The following ATG7 variants were observed in gnomAD, a reference collection of about 807,000 sequenced individuals.
ATG7 encodes ubiquitin-like modifier-activating enzyme ATG7.
In ATG7, 70 loss-of-function variants were observed where a neutral mutation model predicts 82.4. The ratio of observed to expected loss-of-function variants is 0.85; its 90% CI spans 0.70 to 1.04. ATG7 has a LOEUF of 1.04. ATG7 is among the 50% of genes least tolerant of loss of function. ATG7 has a pLI of 0.00. For missense variants in ATG7, 792 were observed against 864.3 expected (o/e 0.92, Z 1.05); for synonymous variants, 287 against 313.0 (o/e 0.92, Z 0.88).
chr3:11,306,945 G>A lies in ATG7; in HGVS notation c.218G>A (p.Ser73Asn), dbSNP rs557310519. The change falls in exon 6 of 21, where the codon AGT (serine) becomes AAT (asparagine). Residue 73 changes from serine to asparagine, a missense_variant and splice_region_variant. Coordinates refer to ENST00000693202, the MANE Select transcript of ATG7 (RefSeq NM_001349232.2). ...AACCGTGTTTCTCTTGTATCTAGGA[G>A]TGCTCCCACCCCAGCCCGTTGCTGC... ...LTLEFSAFDM[S>N]APTPARCCPA... is the part of the protein sequence containing the mutation. The A allele has an allele frequency of 6.2e-7, 1 of 1,613,584 alleles. No homozygotes were observed. Among genetic ancestry groups the A allele is most frequent in the East Asian group, 2.2e-5 (1 of 44,864 alleles).
intron 20 of ATG7, among the ~76,000 whole-genome samples, chr3:11,499,724 A>G (rs2153059739): frequency 6.6e-6 from 1 of 151,034 alleles, no homozygotes; most frequent in African/African-American, 2.4e-5. Flanking sequence ...TCCAGACTGG[A>G]CAACAAGAGC....
At chr3:11,335,129 G>A (rs181110810) in intron 11 of ATG7, among the ~76,000 whole-genome samples, 4 of 152,098 alleles carry the variant, frequency 2.6e-5, no homozygotes, top group South Asian at 2.1e-4. Flanking sequence ...ATCAAAGGAC[G>A]ATGCTGCTTT....
chr3:11,403,218 G>A (rs112501139), intron 19 of ATG7, among the ~76,000 whole-genome samples: 2,283 of 152,236 alleles, frequency 0.015, 28 homozygotes, highest in Non-Finnish European at 0.025. Context: ...GTAAACTGAC[G>A]TGCACCTATC....
chr3:11,451,924 C>T (rs2085220036), intron 20 of ATG7, among the ~76,000 whole-genome samples: 1 of 151,044 alleles, frequency 6.6e-6, no homozygotes, highest in South Asian at 2.1e-4. Flanking sequence ...CACACATATA[C>T]ATATCTCTTA....
At chr3:11,330,500 A>G (rs1001153063) in intron 9 of ATG7, among the ~76,000 whole-genome samples, 3 of 152,138 alleles carry the variant, frequency 2.0e-5, no homozygotes, top group Non-Finnish European at 4.4e-5. Flanking sequence ...GCATGCCCCA[A>G]TTCATTTGTT....
At chr3:11,345,258 A>C (rs1284528461) in intron 13 of ATG7, among the ~76,000 whole-genome samples, 2 of 151,978 alleles carry the variant, frequency 1.3e-5, no homozygotes, top group Non-Finnish European at 2.9e-5. Context: ...TACAAAAAAA[A>C]ATTAGCCGGG....
At position 11,462,347 on chromosome 3, in the gene ATG7, G is replaced by A. The variant is rs144717550; in HGVS notation, c.2079+35421G>A. Among the ~76,000 whole-genome samples the A allele has an allele frequency of 3.9e-5, 6 of 152,186 alleles. 1 individual carries two copies. Among genetic ancestry groups the A allele is most frequent in the African/African-American group, 7.2e-5 (3 of 41,516 alleles). ...GAGGCTCAGGAAGACAAAGTTTATC[G>A]TGGTCACAAGTCCTAGAGGCAGGAG... is the stretch of plus-strand genomic sequence containing the variant. On this transcript the variant is annotated intron_variant, in intron 20 of 20. Transcript: ENST00000693202.
chr3:11,371,273 G>A (rs1391207099), intron 18 of ATG7, among the ~76,000 whole-genome samples: 1 of 151,134 alleles, frequency 6.6e-6, no homozygotes, highest in Non-Finnish European at 1.5e-5. Flanking sequence ...TTAGCAGGGG[G>A]ACGTAGAACA....
At chr3:11,345,679 GT>G (rs1285490296) in intron 13 of ATG7, among the ~76,000 whole-genome samples, 1 of 151,742 alleles carries the variant, frequency 6.6e-6, no homozygotes, top group Non-Finnish European at 1.5e-5. Flanking sequence ...TTGTCTATCA[GT>G]TTTTTTGGAG....
chr3:11,391,216 G>A (rs1469099866), intron 19 of ATG7, among the ~76,000 whole-genome samples: 1 of 152,154 alleles, frequency 6.6e-6, no homozygotes, highest in Non-Finnish European at 1.5e-5. Flanking sequence ...CAAGATGTGA[G>A]CAAATACTAA....
At chr3:11,402,987 T>G (rs141285073) in intron 19 of ATG7, among the ~76,000 whole-genome samples, 1 of 152,330 alleles carries the variant, frequency 6.6e-6, no homozygotes, top group African/African-American at 2.4e-5. Flanking sequence ...CAGGAATCTA[T>G]TCTCTTAAAT....
chr3:11,360,883 A>G lies in ATG7; in HGVS notation c.1683+99A>G, dbSNP rs1456566209. 3.9e-6 allele frequency: 5 copies of G among 1,282,060 alleles called. No individual in the cohort carries two copies. In the Admixed American group the frequency reaches 1.1e-4, roughly 28 times the overall value. The allele number at this position is 1,282,060 out of a possible 1,614,324, so 79.4% of individuals were successfully genotyped here. A position where few individuals can be genotyped will look rare whatever the true frequency, so the allele number is the denominator to read the frequency against. On this transcript the variant is annotated intron_variant, in intron 16 of 20. Coordinates refer to ENST00000693202, the MANE Select transcript of ATG7 (RefSeq NM_001349232.2). ...TTTCATTTATGACTATTTAAATATT[A>G]TCTTTTAACAAAGAGAAGAATTCTC...
chr3:11,456,968 C>A (rs1249176877), intron 20 of ATG7, among the ~76,000 whole-genome samples: 1 of 152,190 alleles, frequency 6.6e-6, no homozygotes, highest in African/African-American at 2.4e-5. Context: ...CTCCAGACAA[C>A]AATACACACT....
chr3:11,460,497 C>A (rs1038322325), intron 20 of ATG7, among the ~76,000 whole-genome samples: 13 of 152,198 alleles, frequency 8.5e-5, no homozygotes, highest in African/African-American at 3.1e-4. Context: ...AGAGCGTTGC[C>A]TTTGCCAGCC....
chr3:11,499,799 T>C (rs977097065), intron 20 of ATG7, among the ~76,000 whole-genome samples: 2 of 151,794 alleles, frequency 1.3e-5, no homozygotes, highest in Non-Finnish European at 2.9e-5. Flanking sequence ...TGGTGCAGAT[T>C]CACTGCAGTG....
intron 20 of ATG7, among the ~76,000 whole-genome samples, chr3:11,531,867 GA>G (rs10706428): frequency 0.76 from 72,151 of 95,146 alleles, 26,305 homozygotes; most frequent in East Asian, 0.95. Flanking sequence ...CCTGTCTCAG[GA>G]AAAAAAAAAA....
chr3:11,545,089 G>T (rs533021999), intron 20 of ATG7, among the ~76,000 whole-genome samples: 1 of 152,316 alleles, frequency 6.6e-6, no homozygotes, highest in East Asian at 1.9e-4. Flanking sequence ...CTGTGAAAAG[G>T]CTGAGCAAGG....
chr3:11,379,697 T>A (rs1442876805), intron 18 of ATG7, among the ~76,000 whole-genome samples: 1 of 152,252 alleles, frequency 6.6e-6, no homozygotes, highest in Non-Finnish European at 1.5e-5. Flanking sequence ...TACAGCTTGC[T>A]TTTTGTATTT....
At chr3:11,478,989 A>AACACACACACACACACACACAC (rs71628717) in intron 20 of ATG7, among the ~76,000 whole-genome samples, 2 of 73,132 alleles carry the variant, frequency 2.7e-5, no homozygotes, top group Admixed American at 1.4e-4. Context: ...GTATATTTAC[A>AACACACACACACACACACACAC]ACACACACAC....
Sources: allele counts gnomAD v4.1 joint callset (sites outside exome capture counted in the v4.1 genomes callset), GRCh38; gene constraint gnomAD v4.1.1; transcripts MANE v1.5; gene names NCBI Gene and HGNC (gene_info 2026-07-23, HGNC 2026-07-21).